Variants in CSMD3 observed in about 807,000 individuals in gnomAD.
CSMD3 encodes CUB and Sushi multiple domains 3, also known as CUB and sushi domain-containing protein 3.
In CSMD3, 177 loss-of-function variants were observed where a neutral mutation model predicts 435.2. The ratio of observed to expected loss-of-function variants is 0.41; its 90% CI spans 0.36 to 0.46. The LOEUF is 0.46. CSMD3 is among the 20% of genes least tolerant of loss of function. The pLI, the probability that CSMD3 is intolerant of heterozygous loss-of-function variation, is 0.34. For synonymous variants in CSMD3, 1,656 were observed against 1,520.5 expected (o/e 1.09, Z -2.07); for missense variants, 4,265 against 4,504.6 (o/e 0.95, Z 1.52).
At chr8:113,154,274 T>C (rs2091890526) in intron 4 of CSMD3, among the ~76,000 whole-genome samples, 1 of 152,030 alleles carries the variant, frequency 6.6e-6, no homozygotes, top group South Asian at 2.1e-4. Context: ...AATGTCTGAA[T>C]GTGACCAACA....
rs375340945 is a variant in CSMD3, at chr8:112,431,658, A to G, written c.5396-22626T>C. Among the ~76,000 whole-genome samples, 59 of 152,170 alleles carry G rather than the reference A, an allele frequency of 3.9e-4. 1 individual carries two copies. The East Asian group carries it at 8.1e-3, about 21-fold the overall frequency. ...TATGAAGGCCACCTTGAGCTGTGAA[A>G]TCTACTCTCTCTACAAAGTGAAATT... On this transcript the variant is annotated intron_variant, in intron 32 of 70. Transcript: ENST00000297405.
At chr8:112,955,608 C>T (rs1437541001) in intron 7 of CSMD3, among the ~76,000 whole-genome samples, 3 of 151,690 alleles carry the variant, frequency 2.0e-5, no homozygotes, top group Non-Finnish European at 3.0e-5. Flanking sequence ...GAACTTATGT[C>T]TTCTTATCCT....
chr8:113,141,511 C>T (rs866964620), intron 4 of CSMD3, among the ~76,000 whole-genome samples: 9 of 150,944 alleles, frequency 6.0e-5, no homozygotes, highest in South Asian at 2.1e-4. Flanking sequence ...TCTAGGCATA[C>T]AAAGCTGGTT....
chr8:113,266,596 T>C (rs1024321211), intron 3 of CSMD3, among the ~76,000 whole-genome samples: 3 of 151,604 alleles, frequency 2.0e-5, no homozygotes, highest in Admixed American at 2.0e-4. Flanking sequence ...TAGGGTGAGA[T>C]AATCCATGTA....
At chr8:112,899,638 T>TATATAC (rs1309592432) in intron 10 of CSMD3, among the ~76,000 whole-genome samples, 11 of 118,452 alleles carry the variant, frequency 9.3e-5, no homozygotes, top group African/African-American at 3.3e-4. Context: ...TATATGTATA[T>TATATAC]ACATATATGT....
intron 51 of CSMD3, among the ~76,000 whole-genome samples, chr8:112,305,616 T>G (rs1205582785): frequency 6.6e-6 from 1 of 152,132 alleles, no homozygotes; most frequent in African/African-American, 2.4e-5. Flanking sequence ...TATGGATAAT[T>G]TTTGCAACAT....
rs1232342583 is a variant in CSMD3, at chr8:112,899,613, A to T, written c.1633+22014T>A. Among the ~76,000 whole-genome samples the T allele has an allele frequency of 4.8e-4, 52 of 107,994 alleles. 1 individual carries two copies. Among genetic ancestry groups the T allele is most frequent in the African/African-American group, 1.5e-3 (46 of 31,116 alleles). The allele number at this position is 107,994 out of a possible 152,430, so 70.8% of individuals were successfully genotyped here. ...GCTTGTCTATTTTATATATATATAT[A>T]TATATATATATATATATATGTATAT... On this transcript the variant is annotated intron_variant, in intron 10 of 70. Transcript: ENST00000297405.
intron 9 of CSMD3, among the ~76,000 whole-genome samples, chr8:112,934,809 C>T (rs760799844): frequency 2.6e-5 from 4 of 152,108 alleles, no homozygotes; most frequent in Non-Finnish European, 5.9e-5. Flanking sequence ...AAACTTTGCA[C>T]GTCACTCTGT....
intron 3 of CSMD3, among the ~76,000 whole-genome samples, chr8:113,244,247 T>C (rs1197570555): frequency 6.6e-6 from 1 of 152,234 alleles, no homozygotes; most frequent in Admixed American, 6.5e-5. Context: ...GTCAAGGATA[T>C]ATATGACCTT....
At position 112,315,463 on chromosome 8, in the gene CSMD3, T is replaced by G. The variant is rs1482153990; in HGVS notation, c.7361-846A>C. ...GATCAATCCCTTTTTACTCAAATTA[T>G]GCCATTTTAATCTCTTACAAAATTT... On this transcript the variant is annotated intron_variant, in intron 47 of 70. Transcript: ENST00000297405. Among the ~76,000 whole-genome samples the G allele has an allele frequency of 2.0e-5, 3 of 151,912 alleles. No individual in the cohort carries two copies. In the East Asian group the frequency reaches 5.8e-4, roughly 29 times the overall value.
intron 3 of CSMD3, among the ~76,000 whole-genome samples, chr8:113,246,598 CT>C (rs1402951874): frequency 6.6e-6 from 1 of 152,028 alleles, no homozygotes; most frequent in Non-Finnish European, 1.5e-5. Context: ...CTATTAACTA[CT>C]TTTTTCCTAT....
chr8:113,264,060 G>A (rs2093448588), intron 3 of CSMD3, among the ~76,000 whole-genome samples: 1 of 151,042 alleles, frequency 6.6e-6, no homozygotes, highest in African/African-American at 2.4e-5. Context: ...ATCTTAATAA[G>A]GAAGAATTCA....
At chr8:113,041,613 C>G (rs1465296051) in intron 5 of CSMD3, among the ~76,000 whole-genome samples, 1 of 152,006 alleles carries the variant, frequency 6.6e-6, no homozygotes, top group Non-Finnish European at 1.5e-5. Context: ...TTTTTATTAT[C>G]AACTGGTATG....
At chr8:112,485,953 T>A (rs1010471167) in intron 31 of CSMD3, among the ~76,000 whole-genome samples, 12 of 151,684 alleles carry the variant, frequency 7.9e-5, no homozygotes, top group Non-Finnish European at 1.6e-4. Flanking sequence ...TTTTTTTTTT[T>A]TTGCATAATC....
At chr8:112,760,252 C>G (rs1407208913) in intron 13 of CSMD3, among the ~76,000 whole-genome samples, 1 of 152,064 alleles carries the variant, frequency 6.6e-6, no homozygotes, top group Non-Finnish European at 1.5e-5. Flanking sequence ...TTAATATGTA[C>G]TTTTTATTCT....
At chr8:112,831,010 A>T (rs1475836358) in intron 11 of CSMD3, among the ~76,000 whole-genome samples, 1 of 152,006 alleles carries the variant, frequency 6.6e-6, no homozygotes, top group African/African-American at 2.4e-5. Context: ...GATGGTCTCA[A>T]TCTCCTGGCC....
At chr8:113,204,819 G>A in intron 3 of CSMD3, among the ~76,000 whole-genome samples, 1 of 152,070 alleles carries the variant, frequency 6.6e-6, no homozygotes, top group Non-Finnish European at 1.5e-5. Context: ...TGCTAATAAA[G>A]ATATACCCGA....
chr8:113,340,020 A>C (rs2094107306), intron 1 of CSMD3, among the ~76,000 whole-genome samples: 1 of 152,006 alleles, frequency 6.6e-6, no homozygotes, highest in Non-Finnish European at 1.5e-5. Context: ...TTTTTAGCTC[A>C]TGTCATAGTC....
chr8:112,868,932 T>C lies in CSMD3; in HGVS notation c.1634-9666A>G, dbSNP rs554558915. On this transcript the variant is annotated intron_variant, in intron 10 of 70. Transcript: ENST00000297405. ...GTCCTAGAAGAAAACAGGAAAAAAA[T>C]CTCCTTGACATTCATCTTGGCAATG... 2.4e-3 allele frequency among the ~76,000 whole-genome samples: 352 copies of C among 144,362 alleles called. 1 individual carries two copies. The highest frequency in any genetic ancestry group is 8.7e-3 in the African/African-American group (337 of 38,688). 94.7% of individuals were successfully genotyped at this position (144,362 alleles called of 152,430 possible). A position where few individuals can be genotyped will look rare whatever the true frequency, so the allele number is the denominator to read the frequency against.
Sources: allele counts gnomAD v4.1 joint callset (sites outside exome capture counted in the v4.1 genomes callset), GRCh38; gene constraint gnomAD v4.1.1; transcripts MANE v1.5; gene names NCBI Gene and HGNC (gene_info 2026-07-23, HGNC 2026-07-21).